The following RBFOX1 variants were observed in gnomAD, a reference collection of about 807,000 sequenced individuals.
RBFOX1 encodes the protein RNA binding protein fox-1 homolog 1.
Under a neutral mutation model 57.7 loss-of-function variants are expected in RBFOX1, and 8 were observed. The ratio of observed to expected loss-of-function variants is 0.14; its 90% confidence interval spans 0.08 to 0.25. The LOEUF is 0.25. RBFOX1 is among the 10% of genes least tolerant of loss of function. The pLI is 1.00. For missense variants in RBFOX1, 611 were observed against 548.5 expected (o/e 1.11, Z -1.14); for synonymous variants, 326 against 222.4 (o/e 1.47, Z -4.15).
chr16:5,953,336 A>G (rs1195237515), intron 4 of RBFOX1, among the ~76,000 whole-genome samples: 1 of 152,244 alleles, frequency 6.6e-6, no homozygotes, highest in East Asian at 1.9e-4. Context: ...TAAAAAAATT[A>G]TTTCCATAGG....
At chr16:7,369,249 A>G (rs2097525045) in intron 4 of RBFOX1, among the ~76,000 whole-genome samples, 2 of 151,180 alleles carry the variant, frequency 1.3e-5, no homozygotes, top group African/African-American at 4.9e-5. Context: ...AACAGAAACC[A>G]CGATGTTCCT....
intron 4 of RBFOX1, among the ~76,000 whole-genome samples, chr16:7,315,091 C>CT (rs1555699718): frequency 0.024 from 650 of 26,996 alleles, 4 homozygotes; most frequent in Middle Eastern, 0.024. Context: ...GAGAAAAGCT[C>CT]TTTTTTTTTT....
rs1037742372 is a variant in RBFOX1 at position 6,751,257 on chromosome 16, C to T, written c.-16+96607C>T. 2.6e-5 allele frequency among the ~76,000 whole-genome samples: 4 copies of T among 152,052 alleles called. No individual in the cohort carries two copies. In the East Asian group the frequency reaches 5.8e-4, roughly 22 times the overall value. On this transcript the variant is annotated intron_variant, in intron 3 of 15. Transcript: ENST00000550418. Reference sequence around the variant, plus strand: ...TATTAGGAGATTGTTTTTATTGACTCTAGAATGGATGGGGAGTAGGTGGCT... The same window carrying T: ...TATTAGGAGATTGTTTTTATTGACTTTAGAATGGATGGGGAGTAGGTGGCT...
At position 6,193,379 on chromosome 16, in the gene RBFOX1, T is replaced by TATATAA. The variant is rs1555545337; in HGVS notation, c.-126-123616_-126-123615insATATAA. The stretch of plus-strand genomic sequence containing the variant: ...CATTATATATATATATATATATACA[T>TATATAA]TATATATATATACTATATATATATA... On this transcript the variant is annotated intron_variant, in intron 1 of 15. Transcript: ENST00000550418. Among the ~76,000 whole-genome samples the TATATAA allele has an allele frequency of 4.5e-3, 285 of 63,102 alleles. 5 individuals carry two copies. The highest frequency in any genetic ancestry group is 0.014 in the African/African-American group (274 of 19,444). 41.4% of individuals were successfully genotyped at this position (63,102 alleles called of 152,430 possible).
Position 7,102,237 on chromosome 16 carries a change from T to C in RBFOX1, c.27+50139T>C, listed in dbSNP as rs113936719. Among the ~76,000 whole-genome samples the C allele has an allele frequency of 3.1e-3, 472 of 152,322 alleles. 4 individuals are homozygous for C. Among genetic ancestry groups the C allele is most frequent in the African/African-American group, 0.011 (454 of 41,578 alleles). On this transcript the variant is annotated intron_variant, in intron 4 of 15. Transcript: ENST00000550418. ...GGAAATTCGGGCTGGAGAAGAGAGA[T>C]GAAAATATCTTTCTCAATTCTACCT...
chr16:7,245,980 C>T (rs766857777), intron 4 of RBFOX1, among the ~76,000 whole-genome samples: 2 of 152,184 alleles, frequency 1.3e-5, no homozygotes, highest in African/African-American at 4.8e-5. Flanking sequence ...GTATAGATTG[C>T]AGTGTAAATA....
chr16:7,103,417 A>G (rs1278619255), intron 4 of RBFOX1, among the ~76,000 whole-genome samples: 1 of 152,180 alleles, frequency 6.6e-6, no homozygotes, highest in Non-Finnish European at 1.5e-5. Flanking sequence ...CAGAACCTAC[A>G]TACTAGCTAG....
At chr16:7,189,076 A>C (rs9937276) in intron 4 of RBFOX1, among the ~76,000 whole-genome samples, 37,650 of 151,874 alleles carry the variant, frequency 0.25, 5,081 homozygotes, top group East Asian at 0.37. Flanking sequence ...CTCAATGGAT[A>C]GAATCCTCAT....
intron 4 of RBFOX1, chr16:7,332,825 G>C (rs964680195): frequency 1.3e-5 from 18 of 1,426,646 alleles, no homozygotes; most frequent in South Asian, 4.8e-5. Flanking sequence ...TTCACATTAA[G>C]AGTTGCTGAT....
intron 1 of RBFOX1, among the ~76,000 whole-genome samples, chr16:6,131,094 G>T (rs1005541264): frequency 2.0e-5 from 3 of 152,142 alleles, no homozygotes; most frequent in African/African-American, 7.2e-5. Context: ...CTCAAGAGTA[G>T]AAAAAACAAA....
chr16:6,599,324 G>A (rs13332293), intron 2 of RBFOX1, among the ~76,000 whole-genome samples: 6,180 of 152,174 alleles, frequency 0.041, 438 homozygotes, highest in African/African-American at 0.14. Flanking sequence ...GTCAGCCAGG[G>A]GTCCTCTAAT....
At chr16:6,058,283 T>C (rs1259981862) in intron 1 of RBFOX1, among the ~76,000 whole-genome samples, 1 of 151,870 alleles carries the variant, frequency 6.6e-6, no homozygotes, top group Non-Finnish European at 1.5e-5. Context: ...CTTTCCTCCT[T>C]CTTTCCCTGC....
chr16:5,583,163 A>G (rs990028796), intron 2 of RBFOX1, among the ~76,000 whole-genome samples: 1 of 152,236 alleles, frequency 6.6e-6, no homozygotes, highest in African/African-American at 2.4e-5. Context: ...TTGTACAGCC[A>G]TAGAATGCCA....
intron 1 of RBFOX1, among the ~76,000 whole-genome samples, chr16:6,115,592 C>G (rs530245822): frequency 1.3e-5 from 2 of 152,180 alleles, no homozygotes; most frequent in African/African-American, 2.4e-5. Context: ...TATAAGATTG[C>G]TGAGATAAAT....
At chr16:7,279,940 G>A (rs2095508771) in intron 4 of RBFOX1, among the ~76,000 whole-genome samples, 1 of 152,166 alleles carries the variant, frequency 6.6e-6, no homozygotes, top group Non-Finnish European at 1.5e-5. Context: ...AAACCAGTGG[G>A]CCTGGTAACA....
chr16:5,394,805 T>C (rs1191342115), intron 1 of RBFOX1, among the ~76,000 whole-genome samples: 1 of 152,124 alleles, frequency 6.6e-6, no homozygotes, highest in Non-Finnish European at 1.5e-5. Flanking sequence ...CCACCTTGGC[T>C]TCCCAAAATA....
At chr16:5,480,421 C>G (rs1191047535) in intron 2 of RBFOX1, among the ~76,000 whole-genome samples, 4 of 151,818 alleles carry the variant, frequency 2.6e-5, no homozygotes, top group African/African-American at 9.7e-5. Flanking sequence ...CTTCCTTTCT[C>G]AAAAATACAG....
At chr16:5,633,674 G>T (rs1409453145) in intron 3 of RBFOX1, among the ~76,000 whole-genome samples, 1 of 152,056 alleles carries the variant, frequency 6.6e-6, no homozygotes, top group Non-Finnish European at 1.5e-5. Context: ...GGGAGTTTGA[G>T]GTCAGCCTGG....
At chr16:6,238,112 G>A (rs74005016) in intron 1 of RBFOX1, among the ~76,000 whole-genome samples, 22,306 of 132,020 alleles carry the variant, frequency 0.17, 2,303 homozygotes, top group African/African-American at 0.3. Context: ...AAAAAAAAAA[G>A]AAAGAAAAGC....
Sources: gnomAD v4.1 joint callset for allele counts (sites outside exome capture counted in the v4.1 genomes callset) on GRCh38, gnomAD v4.1.1 for gene constraint, MANE v1.5 for transcripts, NCBI Gene and HGNC (gene_info 2026-07-23, HGNC 2026-07-21) for gene names.